The following SIK3 variants were observed in gnomAD, a reference collection of about 807,000 sequenced individuals.
The protein encoded by SIK3 is SIK family kinase 3, also known as serine/threonine-protein kinase SIK3.
A neutral mutation model predicts 144.2 loss-of-function variants in SIK3; 28 were observed. The observed-to-expected ratio is 0.19, with a 90% CI of 0.14 to 0.27. SIK3 has a LOEUF of 0.27. SIK3 is among the 10% of genes least tolerant of loss of function. The pLI is 1.00. For missense variants in SIK3, 1,319 were observed against 1,776.0 expected (o/e 0.74, Z 4.62); for synonymous variants, 686 against 676.3 (o/e 1.01, Z -0.22).
intron 3 of SIK3, among the ~76,000 whole-genome samples, chr11:116,929,379 T>C (rs1233626482): frequency 6.6e-6 from 1 of 152,240 alleles, no homozygotes; most frequent in Non-Finnish European, 1.5e-5. Context: ...CAAGAGACAT[T>C]TGTCTGGCAG....
chr11:116,959,951 G>A (rs1949280773), intron 1 of SIK3, among the ~76,000 whole-genome samples: 1 of 152,134 alleles, frequency 6.6e-6, no homozygotes, highest in Non-Finnish European at 1.5e-5. Flanking sequence ...AGAAAGACAT[G>A]ATAAATGTTT....
At position 116,849,344 on chromosome 11, in the gene SIK3, C is replaced by T. The variant is rs1372539486; in HGVS notation, c.3656-61G>A. 15 of 1,596,494 alleles carry T rather than the reference C, an allele frequency of 9.4e-6. No homozygotes were observed. The East Asian group carries it at 3.1e-4, about 33-fold the overall frequency. ...GAACTTCTCCCAGCACTGGAAACTC[C>T]CATCCAAGAAATGTCTTGCAAGGGA... is the stretch of plus-strand genomic sequence containing the variant. On this transcript the variant is annotated intron_variant, in intron 21 of 24. Transcript: ENST00000445177. This position sits in a 1 kb window ranked among gnomAD's most constrained non-coding sequence, Gnocchi z 4.2.
At chr11:117,048,395 G>A (rs917072054) in intron 1 of SIK3, among the ~76,000 whole-genome samples, 1 of 151,988 alleles carries the variant, frequency 6.6e-6, no homozygotes, top group Non-Finnish European at 1.5e-5. Flanking sequence ...GGTGGCTCAC[G>A]CCTGTAATCC....
At chr11:117,027,977 T>C (rs139329171) in intron 1 of SIK3, among the ~76,000 whole-genome samples, 33 of 152,356 alleles carry the variant, frequency 2.2e-4, no homozygotes, top group African/African-American at 7.5e-4. Flanking sequence ...GCATTATGCA[T>C]GTGCAGCCTA....
At chr11:116,863,190 G>A (rs574244079) in intron 16 of SIK3, among the ~76,000 whole-genome samples, 1 of 152,290 alleles carries the variant, frequency 6.6e-6, no homozygotes, top group South Asian at 2.1e-4. Context: ...CACAGGGGAA[G>A]GAAGTTTGAT....
At chr11:117,034,522 G>A (rs1476822258) in intron 1 of SIK3, among the ~76,000 whole-genome samples, 2 of 152,034 alleles carry the variant, frequency 1.3e-5, no homozygotes, top group Non-Finnish European at 1.5e-5. Flanking sequence ...CAAGTAAGTC[G>A]GCCAAAACAT....
intron 4 of SIK3, among the ~76,000 whole-genome samples, chr11:116,904,274 G>A (rs185278430): frequency 2.0e-5 from 3 of 152,308 alleles, no homozygotes; most frequent in Non-Finnish European, 4.4e-5. Flanking sequence ...GGGAGCACGA[G>A]CAAGGGCAGA....
At chr11:117,085,105 TTC>T (rs913910699) in intron 1 of SIK3, among the ~76,000 whole-genome samples, 8 of 152,026 alleles carry the variant, frequency 5.3e-5, no homozygotes, top group Non-Finnish European at 1.0e-4. Context: ...TTTCTTTCTT[TTC>T]TCTCTCTTTT....
chr11:117,021,946 A>AAAAAAAAAAAAAAC (rs1951789857), intron 1 of SIK3, among the ~76,000 whole-genome samples: 1 of 132,008 alleles, frequency 7.6e-6, no homozygotes, highest in Non-Finnish European at 1.6e-5. Flanking sequence ...AAAAAAAAAA[A>AAAAAAAAAAAAAAC]AAAAAAAAAA....
intron 13 of SIK3, among the ~76,000 whole-genome samples, chr11:116,873,109 T>G (rs1944050442): frequency 6.6e-6 from 1 of 152,126 alleles, no homozygotes; most frequent in African/African-American, 2.4e-5. Flanking sequence ...TAGAAACCAA[T>G]TAATTTAAGG....
At position 116,861,937 on chromosome 11, in the gene SIK3, T is replaced by C. The variant is rs769795290; in HGVS notation, c.2230-11A>G. ...AGGACAGATAGAGTCCTAAAACATA[T>C]ATGGGGAAAGGAAAAAAATTATTGT... On this transcript the variant is annotated splice_polypyrimidine_tract_variant and intron_variant, in intron 17 of 24. Coordinates refer to ENST00000445177, the MANE Select transcript of SIK3 (RefSeq NM_001366686.3). 10 of 1,591,166 alleles carry C rather than the reference T, an allele frequency of 6.3e-6. No individual in the cohort carries two copies. The highest frequency in any genetic ancestry group is 1.3e-5 in the African/African-American group (1 of 74,350).
At position 116,992,325 on chromosome 11, in the gene SIK3, C is replaced by CA. The variant is rs201423295; in HGVS notation, c.274-35262_274-35261insT. On this transcript the variant is annotated intron_variant, in intron 1 of 24. Transcript: ENST00000445177. ...GGGCAACAGAGCAAGACCCCCCCCC[C>CA]CAAAAAAAAACACCTCATATATTTG... is the stretch of plus-strand genomic sequence containing the variant. Among the ~76,000 whole-genome samples, 73 of 131,746 alleles carry CA rather than the reference C, an allele frequency of 5.5e-4. 2 individuals are homozygous for CA. Among genetic ancestry groups the CA allele is most frequent in the Admixed American group, 3.0e-3 (41 of 13,764 alleles). The allele number at this position is 131,746 out of a possible 152,430, so 86.4% of individuals were successfully genotyped here.
chr11:116,852,137 G>C (rs1942507659), intron 21 of SIK3, among the ~76,000 whole-genome samples: 1 of 152,240 alleles, frequency 6.6e-6, no homozygotes, highest in Non-Finnish European at 1.5e-5. Context: ...AATGTATATA[G>C]TCCTGGTTGG....
chr11:116,910,039 C>T (rs1347745899), intron 4 of SIK3, among the ~76,000 whole-genome samples: 2 of 151,956 alleles, frequency 1.3e-5, no homozygotes, highest in Non-Finnish European at 2.9e-5. Flanking sequence ...ATCATTAATG[C>T]TAAAATGGCA....
intron 1 of SIK3, among the ~76,000 whole-genome samples, chr11:117,064,856 A>G (rs1953938793): frequency 6.6e-6 from 1 of 152,126 alleles, no homozygotes; most frequent in African/African-American, 2.4e-5. Flanking sequence ...GATCCCATAG[A>G]AAGTAACTTT....
At chr11:116,928,594 G>T (rs1947415410) in intron 3 of SIK3, among the ~76,000 whole-genome samples, 1 of 152,170 alleles carries the variant, frequency 6.6e-6, no homozygotes, top group African/African-American at 2.4e-5. Flanking sequence ...GTTCAGGGTA[G>T]CACATATTTA....
At chr11:116,964,137 T>G (rs1949441149) in intron 1 of SIK3, among the ~76,000 whole-genome samples, 1 of 152,062 alleles carries the variant, frequency 6.6e-6, no homozygotes, top group Non-Finnish European at 1.5e-5. Flanking sequence ...GCCTTCTGAG[T>G]AGCTGGGACT....
chr11:117,060,966 G>A (rs1953764172), intron 1 of SIK3, among the ~76,000 whole-genome samples: 1 of 152,180 alleles, frequency 6.6e-6, no homozygotes, highest in Non-Finnish European at 1.5e-5. Context: ...ATAAAGCCTG[G>A]CCAGATGCTG....
At chr11:116,898,126 C>A (rs575842025) in intron 4 of SIK3, among the ~76,000 whole-genome samples, 1 of 150,314 alleles carries the variant, frequency 6.7e-6, no homozygotes, top group Non-Finnish European at 1.5e-5. Flanking sequence ...CCTCCCCCGT[C>A]CCCCCACCCC....
Sources: gnomAD v4.1 joint callset for allele counts (sites outside exome capture counted in the v4.1 genomes callset) on GRCh38, gnomAD v4.1.1 for gene constraint, Gnocchi (gnomAD v3.1) non-coding constraint, MANE v1.5 for transcripts, NCBI Gene and HGNC (gene_info 2026-07-23, HGNC 2026-07-21) for gene names.